The following CLIC4 variants were observed in gnomAD, a reference collection of about 807,000 sequenced individuals.
The protein encoded by CLIC4 is chloride intracellular channel protein 4.
In CLIC4, 13 loss-of-function variants were observed where a neutral mutation model predicts 24.6. The observed-to-expected ratio is 0.53, with a 90% CI of 0.34 to 0.84. The LOEUF (loss-of-function observed/expected upper bound fraction) is 0.84. Ranked by LOEUF, CLIC4 falls within the 40% of genes least tolerant of loss-of-function variation. The pLI is 0.01. For synonymous variants in CLIC4, 104 were observed against 111.3 expected (o/e 0.93, Z 0.41); for missense variants, 227 against 301.7 (o/e 0.75, Z 1.83).
intron 1 of CLIC4, among the ~76,000 whole-genome samples, chr1:24,753,724 A>T (rs984032277): frequency 1.3e-5 from 2 of 152,094 alleles, no homozygotes; most frequent in African/African-American, 4.8e-5. Context: ...AACTTTTTTC[A>T]TTCTCCCCAC....
intron 1 of CLIC4, among the ~76,000 whole-genome samples, chr1:24,783,499 C>T (rs1639230196): frequency 6.6e-6 from 1 of 151,812 alleles, no homozygotes; most frequent in African/African-American, 2.4e-5. Flanking sequence ...GTCAGGATTT[C>T]GAGACCAGCC....
chr1:24,808,133 A>G (rs1639572690), intron 2 of CLIC4, among the ~76,000 whole-genome samples: 1 of 151,906 alleles, frequency 6.6e-6, no homozygotes, highest in South Asian at 2.1e-4. Flanking sequence ...TTTAGTAGAG[A>G]TGGTGTTTCG....
At chr1:24,785,538 C>T (rs1488856334) in intron 1 of CLIC4, among the ~76,000 whole-genome samples, 1 of 152,134 alleles carries the variant, frequency 6.6e-6, no homozygotes, top group East Asian at 1.9e-4. Flanking sequence ...AAACTTGGTT[C>T]CAGCATGTGT....
At chr1:24,809,307 G>A (rs576682617) in intron 2 of CLIC4, among the ~76,000 whole-genome samples, 10 of 152,218 alleles carry the variant, frequency 6.6e-5, no homozygotes, top group Admixed American at 2.0e-4. Context: ...TTGGAATGTA[G>A]TCATAGAAAC....
intron 4 of CLIC4, among the ~76,000 whole-genome samples, chr1:24,835,275 T>C (rs1264796114): frequency 1.3e-5 from 2 of 152,208 alleles, no homozygotes; most frequent in East Asian, 3.9e-4. Context: ...GTAAAAAATA[T>C]TACCGGGTCA....
intron 4 of CLIC4, among the ~76,000 whole-genome samples, chr1:24,837,659 C>T (rs949930526): frequency 2.6e-5 from 4 of 152,120 alleles, no homozygotes; most frequent in African/African-American, 9.7e-5. Flanking sequence ...CCAAATCCAG[C>T]AACATAACAA....
chr1:24,829,073 A>T lies in CLIC4; in HGVS notation c.415+1957A>T, dbSNP rs1639814672. On this transcript the variant is annotated intron_variant, in intron 4 of 5. Coordinates refer to ENST00000374379, the MANE Select transcript of CLIC4 (RefSeq NM_013943.3). ...TCAAATGCCTTTAGTAGTCCTAGGA[A>T]ATTAGTGATTCTCCTTTTTATTTCC... 2.6e-5 allele frequency among the ~76,000 whole-genome samples: 4 copies of T among 152,186 alleles called. No individual in the cohort carries two copies. In the South Asian group the frequency reaches 8.3e-4, roughly 32 times the overall value.
chr1:24,779,381 G>A (rs911860321), intron 1 of CLIC4, among the ~76,000 whole-genome samples: 13 of 152,180 alleles, frequency 8.5e-5, no homozygotes, highest in Admixed American at 5.2e-4. Context: ...GAGGTGGGAG[G>A]ATCGCTTGAA....
In CLIC4 at chr1:24,810,097, G is replaced by A. The variant is rs539768589; in HGVS notation, c.183-3997G>A. On this transcript the variant is annotated intron_variant, in intron 2 of 5. Coordinates refer to ENST00000374379, the MANE Select transcript of CLIC4 (RefSeq NM_013943.3). Reference sequence around the variant, plus strand: ...TAAAGTAAATGCTAGACATCATGTCGTTTCATCCCTACTTAATTCAGTGTA... The same window carrying A: ...TAAAGTAAATGCTAGACATCATGTCATTTCATCCCTACTTAATTCAGTGTA... Among the ~76,000 whole-genome samples, 4 of 152,166 alleles carry A rather than the reference G, an allele frequency of 2.6e-5. No homozygotes were observed. In the South Asian group the frequency reaches 6.2e-4, roughly 24 times the overall value.
intron 2 of CLIC4, among the ~76,000 whole-genome samples, chr1:24,800,421 T>A (rs1417922637): frequency 6.9e-6 from 1 of 145,162 alleles, no homozygotes; most frequent in Admixed American, 6.8e-5. Flanking sequence ...CCTGGCCAGC[T>A]GCCCCGTCTG....
chr1:24,798,671 C>CT (rs1261501553), intron 2 of CLIC4, among the ~76,000 whole-genome samples: 5 of 150,928 alleles, frequency 3.3e-5, no homozygotes, highest in Admixed American at 3.3e-4. Flanking sequence ...TTTCCACGGT[C>CT]TCCCTCTCTT....
At chr1:24,777,371 C>G (rs1213774014) in intron 1 of CLIC4, among the ~76,000 whole-genome samples, 1 of 152,148 alleles carries the variant, frequency 6.6e-6, no homozygotes, top group Admixed American at 6.5e-5. Context: ...TGGTGAAACC[C>G]TGTCTCTACT....
chr1:24,794,724 T>G (rs528371663), intron 1 of CLIC4, among the ~76,000 whole-genome samples: 1 of 152,236 alleles, frequency 6.6e-6, no homozygotes, highest in Non-Finnish European at 1.5e-5. Context: ...TTGTCAACTT[T>G]CGTTGCAATT....
intron 1 of CLIC4, among the ~76,000 whole-genome samples, chr1:24,755,891 G>C (rs1367710176): frequency 6.8e-6 from 1 of 146,486 alleles, no homozygotes; most frequent in African/African-American, 2.5e-5. Context: ...GTGCGATCTC[G>C]GCTCACTGCA....
chr1:24,779,741 G>A (rs1043752380), intron 1 of CLIC4, among the ~76,000 whole-genome samples: 5 of 151,984 alleles, frequency 3.3e-5, no homozygotes, highest in African/African-American at 9.7e-5. Context: ...TCTTTCTCCC[G>A]CTTTCCACAT....
chr1:24,840,315 G>A (rs1571270613), intron 5 of CLIC4, among the ~76,000 whole-genome samples: 1 of 152,118 alleles, frequency 6.6e-6, no homozygotes, highest in African/African-American at 2.4e-5. Flanking sequence ...TTGCCACACT[G>A]ACTTATGTTA....
Position 24,801,540 on chromosome 1 carries a change from G to A in CLIC4, c.182+3689G>A, listed in dbSNP as rs117387760. On this transcript the variant is annotated intron_variant, in intron 2 of 5. Coordinates refer to ENST00000374379, the MANE Select transcript of CLIC4 (RefSeq NM_013943.3). ...ACAATTTGATATGAGATTTGGGCAA[G>A]GACAGAAATTTAAACCATATTATAT... Among the ~76,000 whole-genome samples, 266 of 152,256 alleles carry A rather than the reference G, an allele frequency of 1.7e-3. 12 individuals carry two copies. In the East Asian group the frequency reaches 0.048, roughly 28 times the overall value.
chr1:24,819,888 C>T (rs1335053283), intron 3 of CLIC4, among the ~76,000 whole-genome samples: 3 of 148,532 alleles, frequency 2.0e-5, no homozygotes, highest in East Asian at 2.0e-4. Context: ...TACAGGTGCC[C>T]GCCACCATGC....
At chr1:24,803,055 A>C (rs1449664908) in intron 2 of CLIC4, among the ~76,000 whole-genome samples, 2 of 152,186 alleles carry the variant, frequency 1.3e-5, no homozygotes. Flanking sequence ...GTCTTGAACA[A>C]AATTTTAAAG....
Sources: allele counts gnomAD v4.1 joint callset (sites outside exome capture counted in the v4.1 genomes callset), GRCh38; gene constraint gnomAD v4.1.1; transcripts MANE v1.5; gene names NCBI Gene and HGNC (gene_info 2026-07-23, HGNC 2026-07-21).